Variants in DNAJC5B observed in about 807,000 individuals in gnomAD.
DNAJC5B encodes the protein DnaJ heat shock protein family (Hsp40) member C5 beta.
DNAJC5B carries 23 observed loss-of-function variants against 24.7 expected under a neutral mutation model. The observed-to-expected ratio is 0.93, with a 90% CI of 0.67 to 1.32. DNAJC5B has a LOEUF of 1.32. Among genes scored for constraint, DNAJC5B ranks in the 40% most tolerant of loss-of-function variants. The pLI is 0.00. For missense variants in DNAJC5B, 238 were observed against 240.8 expected (o/e 0.99, Z 0.08); for synonymous variants, 101 against 90.1 (o/e 1.12, Z -0.68).
At chr8:66,037,919 C>T (rs1207230822) in intron 1 of DNAJC5B, among the ~76,000 whole-genome samples, 1 of 152,212 alleles carries the variant, frequency 6.6e-6, no homozygotes, top group Non-Finnish European at 1.5e-5. Context: ...AGAAGATCCA[C>T]TGTGGATAAT....
chr8:66,064,360 G>A (rs1359360652), intron 3 of DNAJC5B, among the ~76,000 whole-genome samples: 1 of 152,166 alleles, frequency 6.6e-6, no homozygotes, highest in Non-Finnish European at 1.5e-5. Flanking sequence ...TTTGTCACTG[G>A]AACTTAAGCC....
intron 4 of DNAJC5B, among the ~76,000 whole-genome samples, chr8:66,077,457 T>C (rs1351818549): frequency 8.5e-5 from 13 of 152,192 alleles, no homozygotes; most frequent in African/African-American, 3.1e-4. Flanking sequence ...TTTAAGGGCT[T>C]AGTGCAATCA....
chr8:66,067,963 A>G (rs1439528924), intron 3 of DNAJC5B, among the ~76,000 whole-genome samples: 2 of 152,224 alleles, frequency 1.3e-5, no homozygotes, highest in African/African-American at 4.8e-5. Context: ...AAATAATAGG[A>G]ACACCAGTCT....
intron 4 of DNAJC5B, among the ~76,000 whole-genome samples, chr8:66,078,702 T>C (rs1563607026): frequency 6.6e-6 from 1 of 152,126 alleles, no homozygotes; most frequent in Non-Finnish European, 1.5e-5. Context: ...TTGTAGTTGT[T>C]TACAGAGTAA....
At chr8:66,048,593 G>GAGCTAGATCCCAATCT (rs1806776215) in intron 2 of DNAJC5B, among the ~76,000 whole-genome samples, 2 of 152,040 alleles carry the variant, frequency 1.3e-5, no homozygotes, top group Non-Finnish European at 2.9e-5. Context: ...TCTTCTCTCT[G>GAGCTAGATCCCAATCT]AGCTAGATCC....
intron 5 of DNAJC5B, among the ~76,000 whole-genome samples, chr8:66,084,773 T>C (rs1234973625): frequency 6.6e-6 from 1 of 152,174 alleles, no homozygotes; most frequent in Admixed American, 6.5e-5. Flanking sequence ...GGTATCCACA[T>C]GTTATTATGC....
intron 1 of DNAJC5B, among the ~76,000 whole-genome samples, chr8:66,033,048 C>T (rs1302690675): frequency 6.6e-6 from 1 of 152,224 alleles, no homozygotes; most frequent in African/African-American, 2.4e-5. Context: ...GAGCATGGGC[C>T]TTCCCCAAGT....
chr8:66,069,031 A>AAAACTG (rs1348120696), intron 3 of DNAJC5B, among the ~76,000 whole-genome samples: 8 of 152,136 alleles, frequency 5.3e-5, no homozygotes, highest in Non-Finnish European at 1.2e-4. Flanking sequence ...TTTTTTAGAG[A>AAAACTG]AAACTGTGAA....
intron 3 of DNAJC5B, among the ~76,000 whole-genome samples, chr8:66,054,735 A>C (rs75125698): frequency 0.016 from 2,401 of 152,296 alleles, 55 homozygotes; most frequent in African/African-American, 0.054. Flanking sequence ...TTAAGGTGCT[A>C]GGGAGAGAAA....
At chr8:66,041,043 G>T (rs559439023) in intron 1 of DNAJC5B, among the ~76,000 whole-genome samples, 3 of 152,018 alleles carry the variant, frequency 2.0e-5, no homozygotes, top group Non-Finnish European at 4.4e-5. Context: ...TGGTAGTGAC[G>T]GCTTTTTCAT....
upstream of DNAJC5B, among the ~76,000 whole-genome samples, chr8:66,018,383 TGG>T (rs71713232): frequency 0.47 from 71,098 of 150,668 alleles, 21,418 homozygotes; most frequent in African/African-American, 0.86. Context: ...CTGGGCGTGG[TGG>T]GGGGGGTGCC....
chr8:66,093,225 C>T (rs1807883277), intron 5 of DNAJC5B, among the ~76,000 whole-genome samples: 2 of 152,288 alleles, frequency 1.3e-5, no homozygotes, highest in Non-Finnish European at 2.9e-5. Context: ...TTTTCTGGTG[C>T]ATGAATGCTA....
rs979284986 is a variant in DNAJC5B at position 66,090,350 on chromosome 8, C to A, written c.506-9587C>A. Among the ~76,000 whole-genome samples the A allele has an allele frequency of 8.6e-5, 13 of 151,004 alleles. 1 individual carries two copies. The highest frequency in any genetic ancestry group is 2.4e-5 in the African/African-American group (1 of 41,056). On this transcript the variant is annotated intron_variant, in intron 5 of 5. Transcript: ENST00000276570. Reference sequence around the variant, plus strand: ...ATCGGAACCAGTTACCTCTGAACACCCTGGCAAAGCAAACCCAAAATATAA... The same window carrying A: ...ATCGGAACCAGTTACCTCTGAACACACTGGCAAAGCAAACCCAAAATATAA...
rs113747244 is a variant in DNAJC5B, at chr8:66,051,575, C to G, written c.28C>G (p.Gln10Glu). 518 of 1,613,972 alleles carry G rather than the reference C, an allele frequency of 3.2e-4. No individual in the cohort carries two copies. The African/African-American group carries it at 5.9e-3, about 18-fold the overall frequency. MACNIPNQRQRTLSTTGEAL... is the reference protein window; with the variant it reads MACNIPNQRERTLSTTGEAL... Reference sequence around the variant, plus strand: ...GGCATGTAACATACCTAACCAAAGACAGCGGACTCTGTCAACAACAGGAGA... The same window carrying G: ...GGCATGTAACATACCTAACCAAAGAGAGCGGACTCTGTCAACAACAGGAGA... The change falls in exon 3 of 6, where the codon CAG becomes GAG. Residue 10 changes from glutamine to glutamate, a missense_variant. Gln to Glu is a conservative substitution (Grantham distance 29). Coordinates refer to ENST00000276570, the MANE Select transcript of DNAJC5B (RefSeq NM_033105.6).
intron 3 of DNAJC5B, among the ~76,000 whole-genome samples, chr8:66,067,491 T>C (rs1042715912): frequency 4.4e-4 from 67 of 152,296 alleles, no homozygotes; most frequent in African/African-American, 1.5e-3. Flanking sequence ...GGTTTTCATG[T>C]CCTTGTGTTG....
chr8:66,051,457 A>G lies in DNAJC5B; in HGVS notation c.-17-74A>G, dbSNP rs566999643. ...CAAATTGTCATTTTACAAAAGGTCA[A>G]AAATGAGCTGTCTTCCCCTTTAGAG... is the stretch of plus-strand genomic sequence containing the variant. On this transcript the variant is annotated intron_variant, in intron 2 of 5. Coordinates refer to ENST00000276570, the MANE Select transcript of DNAJC5B (RefSeq NM_033105.6). The G allele has an allele frequency of 4.7e-6, 4 of 859,058 alleles. No homozygotes were observed. The East Asian group carries it at 7.4e-5, about 16-fold the overall frequency. 53.2% of individuals were successfully genotyped at this position (859,058 alleles called of 1,614,324 possible). A position where few individuals can be genotyped will look rare whatever the true frequency, so the allele number is the denominator to read the frequency against.
chr8:66,054,147 G>C (rs574787833), intron 3 of DNAJC5B, among the ~76,000 whole-genome samples: 1 of 150,998 alleles, frequency 6.6e-6, no homozygotes, highest in African/African-American at 2.4e-5. Context: ...TTTCTTATGC[G>C]GTATAAAGCT....
rs140775727 is a variant in DNAJC5B at position 66,035,996 on chromosome 8, G to A, written c.-141-7492G>A. Among the ~76,000 whole-genome samples the A allele has an allele frequency of 1.1e-4, 16 of 152,316 alleles. No homozygotes were observed. In the East Asian group the frequency reaches 3.1e-3, roughly 29 times the overall value. On this transcript the variant is annotated intron_variant, in intron 1 of 5. Transcript: ENST00000276570. ...TGCTTTCCCTTCTAAATGGCAATCA[G>A]GGGTTGTAAACGCAGATGCCCCTGT...
intron 2 of DNAJC5B, among the ~76,000 whole-genome samples, chr8:66,044,316 T>C (rs1453124891): frequency 6.6e-6 from 1 of 152,190 alleles, no homozygotes; most frequent in East Asian, 1.9e-4. Flanking sequence ...ATTTCCCCAG[T>C]GAATGCCATG....
Sources: gnomAD v4.1 joint callset for allele counts (sites outside exome capture counted in the v4.1 genomes callset) on GRCh38, gnomAD v4.1.1 for gene constraint, MANE v1.5 for transcripts, NCBI Gene and HGNC (gene_info 2026-07-23, HGNC 2026-07-21) for gene names.